Variants in CERS6 observed in about 807,000 individuals in gnomAD.
The protein encoded by CERS6 is ceramide synthase 6.
A neutral mutation model predicts 56.8 loss-of-function variants in CERS6; 26 were observed. The ratio of observed to expected loss-of-function variants is 0.46; its 90% CI spans 0.34 to 0.63. The LOEUF (loss-of-function observed/expected upper bound fraction) is 0.63. Among genes scored for constraint, CERS6 ranks in the 30% least tolerant of loss-of-function variants. The probability of loss-of-function intolerance (pLI) is 0.01; values close to 1 mark genes in which losing one functional copy is unlikely to be tolerated. For missense variants in CERS6, 415 were observed against 467.5 expected (o/e 0.89, Z 1.04); for synonymous variants, 164 against 173.3 (o/e 0.95, Z 0.42).
At chr2:168,624,424 A>G (rs1371124728) in intron 3 of CERS6, among the ~76,000 whole-genome samples, 1 of 152,170 alleles carries the variant, frequency 6.6e-6, no homozygotes, top group Non-Finnish European at 1.5e-5. Context: ...GTACTTTGGC[A>G]AGTAATTTAA....
chr2:168,666,622 C>T (rs1685768696), intron 4 of CERS6, among the ~76,000 whole-genome samples: 1 of 152,140 alleles, frequency 6.6e-6, no homozygotes, highest in Admixed American at 6.5e-5. Flanking sequence ...TTCATGTGGG[C>T]GTGAGTCTTC....
chr2:168,739,378 G>A (rs1289493234), intron 8 of CERS6, among the ~76,000 whole-genome samples: 1 of 152,124 alleles, frequency 6.6e-6, no homozygotes, highest in East Asian at 1.9e-4. Flanking sequence ...AGGATACAAT[G>A]CAGAACAAAA....
intron 1 of CERS6, among the ~76,000 whole-genome samples, chr2:168,460,193 T>TTTTTC (rs1182955608): frequency 3.9e-5 from 6 of 152,082 alleles, no homozygotes; most frequent in Non-Finnish European, 7.4e-5. Context: ...ATGTCTTTTT[T>TTTTTC]TTTTCTTTTC....
chr2:168,456,311 G>C lies in CERS6; in HGVS notation c.-138G>C. ...GCCTTCGAGAGCAGCGGCCGCGGAG[G>C]AGGCGGCGGCGGCGGGCGGGAGCAG... On this transcript the variant is annotated 5_prime_UTR_variant, in exon 1 of 10. Transcript: ENST00000305747. This position sits in a 1 kb window ranked among gnomAD's most constrained non-coding sequence, Gnocchi z 4.1. 1 of 348,642 alleles carries C rather than the reference G, an allele frequency of 2.9e-6. No homozygotes were observed. The allele number at this position is 348,642 out of a possible 1,614,324, so 21.6% of individuals were successfully genotyped here. A position where few individuals can be genotyped will look rare whatever the true frequency, so the allele number is the denominator to read the frequency against.
At chr2:168,578,887 T>C (rs1223396591) in intron 3 of CERS6, among the ~76,000 whole-genome samples, 2 of 152,160 alleles carry the variant, frequency 1.3e-5, no homozygotes, top group Admixed American at 1.3e-4. Flanking sequence ...CTAACATTAT[T>C]AAATGTCTCT....
intron 4 of CERS6, among the ~76,000 whole-genome samples, chr2:168,672,508 G>A (rs1005684042): frequency 4.6e-5 from 7 of 152,216 alleles, no homozygotes; most frequent in African/African-American, 7.2e-5. Flanking sequence ...AAGATAAAGA[G>A]AGGCCTAATT....
intron 3 of CERS6, among the ~76,000 whole-genome samples, chr2:168,585,025 A>G (rs1297908745): frequency 6.6e-6 from 1 of 152,276 alleles, no homozygotes; most frequent in Non-Finnish European, 1.5e-5. Flanking sequence ...GGATTTAACA[A>G]AAAGAAATGC....
intron 1 of CERS6, among the ~76,000 whole-genome samples, chr2:168,533,401 T>A (rs919183948): frequency 2.6e-5 from 4 of 152,234 alleles, no homozygotes; most frequent in African/African-American, 9.6e-5. Context: ...TTGGAATTGT[T>A]TGACGACTTC....
intron 3 of CERS6, among the ~76,000 whole-genome samples, chr2:168,562,592 C>G (rs916625672): frequency 9.2e-5 from 14 of 152,228 alleles, no homozygotes; most frequent in Admixed American, 5.9e-4. Flanking sequence ...TTATGTTTCT[C>G]TCCACCCAAA....
At chr2:168,520,672 C>T (rs1179714418) in intron 1 of CERS6, among the ~76,000 whole-genome samples, 1 of 134,596 alleles carries the variant, frequency 7.4e-6, no homozygotes, top group Non-Finnish European at 1.5e-5. Flanking sequence ...TGCAGTGGTG[C>T]ACCCTTAGCT....
At chr2:168,484,725 G>T (rs895658959) in intron 1 of CERS6, among the ~76,000 whole-genome samples, 1 of 151,106 alleles carries the variant, frequency 6.6e-6, no homozygotes, top group African/African-American at 2.4e-5. Context: ...TAGAACAGGG[G>T]CTTTAGTGTC....
chr2:168,615,516 A>G (rs1486391573), intron 3 of CERS6, among the ~76,000 whole-genome samples: 2 of 152,180 alleles, frequency 1.3e-5, no homozygotes, highest in African/African-American at 4.8e-5. Flanking sequence ...TAGACAGCAT[A>G]AATAAAATAC....
intron 6 of CERS6, among the ~76,000 whole-genome samples, chr2:168,714,563 G>T (rs922293147): frequency 1.3e-5 from 2 of 152,182 alleles, no homozygotes; most frequent in Non-Finnish European, 2.9e-5. Flanking sequence ...TTGAAATTAT[G>T]TAGTGATTTC....
At chr2:168,474,276 C>T (rs1047589625) in intron 1 of CERS6, among the ~76,000 whole-genome samples, 1 of 152,128 alleles carries the variant, frequency 6.6e-6, no homozygotes, top group African/African-American at 2.4e-5. Flanking sequence ...GGAAACAATG[C>T]AGTAACTTCA....
rs1002449906 is a variant in CERS6 at position 168,547,451 on chromosome 2, C to T, written c.171-145C>T. On this transcript the variant is annotated intron_variant, in intron 1 of 9. Coordinates refer to ENST00000305747, the MANE Select transcript of CERS6 (RefSeq NM_203463.3). ...AACGGTTAAGTCTGCCTTACAGTTA[C>T]TGACAGGAGTGTTGACAATGTACAC... 4 of 564,182 alleles carry T rather than the reference C, an allele frequency of 7.1e-6. No individual in the cohort carries two copies. In the African/African-American group the frequency reaches 7.8e-5, roughly 11 times the overall value. The allele number at this position is 564,182 out of a possible 1,614,324, so 34.9% of individuals were successfully genotyped here.
chr2:168,739,625 T>C (rs1683831662), intron 8 of CERS6, among the ~76,000 whole-genome samples: 1 of 152,194 alleles, frequency 6.6e-6, no homozygotes, highest in Admixed American at 6.5e-5. Flanking sequence ...TTTTATTTAC[T>C]CTTGTTATTT....
At chr2:168,676,999 C>CTTTTTTTTTTTTTTGGTGTTT (rs1686078825) in intron 4 of CERS6, among the ~76,000 whole-genome samples, 1 of 96,704 alleles carries the variant, frequency 1.0e-5, no homozygotes, top group Non-Finnish European at 2.3e-5. Flanking sequence ...TTTTTTGGGG[C>CTTTTTTTTTTTTTTGGTGTTT]TTTTTTTTTT....
At chr2:168,678,766 G>A (rs955406240) in intron 4 of CERS6, among the ~76,000 whole-genome samples, 3 of 152,102 alleles carry the variant, frequency 2.0e-5, no homozygotes, top group Non-Finnish European at 4.4e-5. Context: ...CAACTCCTTG[G>A]AATAATTGAC....
At chr2:168,679,304 A>G (rs576489614) in intron 4 of CERS6, among the ~76,000 whole-genome samples, 39 of 152,356 alleles carry the variant, frequency 2.6e-4, no homozygotes, top group African/African-American at 8.2e-4. Flanking sequence ...ATTACAAAAT[A>G]GAAGAGAGGC....
Sources: allele counts gnomAD v4.1 joint callset (sites outside exome capture counted in the v4.1 genomes callset), GRCh38; gene constraint gnomAD v4.1.1; non-coding constraint Gnocchi (gnomAD v3.1); transcripts MANE v1.5; gene names NCBI Gene and HGNC (gene_info 2026-07-23, HGNC 2026-07-21).